Variants in APOO observed in about 807,000 individuals in gnomAD.
APOO encodes MICOS complex subunit MIC26.
A neutral mutation model predicts 23.1 loss-of-function variants in APOO; 11 were observed. That is an observed-to-expected ratio of 0.48 (90% CI 0.30 to 0.79). The LOEUF (loss-of-function observed/expected upper bound fraction) is 0.79, where lower values mean the gene tolerates loss of function less well. Ranked by LOEUF, APOO falls within the 30% of genes least tolerant of loss-of-function variation. APOO has a pLI of 0.07. For synonymous variants in APOO, 59 were observed against 54.8 expected (o/e 1.08, Z -0.34); for missense variants, 160 against 142.7 (o/e 1.12, Z -0.62).
intron 1 of APOO, among the ~76,000 whole-genome samples, chrX:23,901,035 T>C (rs1258853417): frequency 8.9e-6 from 1 of 112,363 alleles, no homozygotes; most frequent in Non-Finnish European, 1.9e-5. Flanking sequence ...ACAGATGATT[T>C]TCCTTTTCCA....
rs764414297 is a variant in APOO, at chrX:23,838,357, C to CAA, written c.*29+1954_*29+1955dup. On this transcript the variant is annotated intron_variant, in intron 8 of 8. Transcript: ENST00000379226. ...GGGCAACAAGAGTGAAACTCTATCTCAAAAAAAAAAAAAAAAAAAAGAAAG... is the reference window on the plus strand; with the variant it reads ...GGGCAACAAGAGTGAAACTCTATCTCAAAAAAAAAAAAAAAAAAAAAAGAAAG... Among the ~76,000 whole-genome samples, 59 of 20,064 alleles carry CAA rather than the reference C, an allele frequency of 2.9e-3. 4 individuals are homozygous for CAA. Among genetic ancestry groups the CAA allele is most frequent in the African/African-American group, 0.018 (48 of 2,667 alleles). The allele number at this position is 20,064 out of a possible 115,157, so 17.4% of individuals were successfully genotyped here.
At chrX:23,873,601 T>C (rs1346832017) in intron 4 of APOO, among the ~76,000 whole-genome samples, 1 of 107,562 alleles carries the variant, frequency 9.3e-6, no homozygotes, top group African/African-American at 3.4e-5. Flanking sequence ...AGTGATATTT[T>C]GTCTCAAAAA....
chrX:23,878,786 T>A, intron 3 of APOO, 129 bp downstream of exon 3: 23 of 805,024 alleles, frequency 2.9e-5, no homozygotes, highest in African/African-American at 4.2e-5. Flanking sequence ...CCCACTACCC[T>A]TCCCAGCCTC....
intron 1 of APOO, among the ~76,000 whole-genome samples, chrX:23,892,189 G>A (rs1276587376): frequency 1.8e-5 from 2 of 108,695 alleles, no homozygotes; most frequent in African/African-American, 3.3e-5. Flanking sequence ...GGGTTCAAAC[G>A]ATTCTCCTGC....
intron 7 of APOO, among the ~76,000 whole-genome samples, chrX:23,841,057 T>C (rs1923945661): frequency 8.9e-6 from 1 of 112,141 alleles, no homozygotes; most frequent in Non-Finnish European, 1.9e-5. Context: ...TGAAAACACA[T>C]TAATAGTCAG....
intron 1 of APOO, among the ~76,000 whole-genome samples, chrX:23,892,948 C>A (rs866590797): frequency 0.012 from 1,147 of 96,384 alleles, 23 homozygotes; most frequent in African/African-American, 0.04. Flanking sequence ...AAAAAAAAAA[C>A]AAACTATGAA....
chrX:23,839,871 T>C (rs1923887725), intron 8 of APOO, among the ~76,000 whole-genome samples: 1 of 111,839 alleles, frequency 8.9e-6, no homozygotes, highest in Non-Finnish European at 1.9e-5. Flanking sequence ...TACAGTCTTC[T>C]AATTACCAGG....
intron 7 of APOO, among the ~76,000 whole-genome samples, chrX:23,842,009 T>C (rs1454403087): frequency 9.0e-6 from 1 of 111,576 alleles, no homozygotes; most frequent in Non-Finnish European, 1.9e-5. Context: ...TCTTTCATGT[T>C]TGAGTCTTTC....
chrX:23,860,239 A>G (rs1350773672), intron 5 of APOO, among the ~76,000 whole-genome samples: 1 of 110,719 alleles, frequency 9.0e-6, no homozygotes, highest in Non-Finnish European at 1.9e-5. Context: ...GGGAGTGGAG[A>G]TGGCAACCAG....
chrX:23,843,754 T>C (rs1210244923), intron 7 of APOO, among the ~76,000 whole-genome samples: 2 of 109,557 alleles, frequency 1.8e-5, no homozygotes, highest in African/African-American at 3.3e-5. Flanking sequence ...CAGCTAATTA[T>C]TGTATTTTTA....
intron 8 of APOO, among the ~76,000 whole-genome samples, chrX:23,835,757 G>A (rs1923634864): frequency 9.1e-6 from 1 of 110,063 alleles, no homozygotes; most frequent in South Asian, 3.8e-4. Flanking sequence ...GTCTAATTAA[G>A]CCTTCGGATC....
At chrX:23,880,722 A>ATAAAT (rs887812152) in intron 2 of APOO, 123 bp downstream of exon 2, 15 of 237,796 alleles carry the variant, frequency 6.3e-5, no homozygotes, top group Non-Finnish European at 2.8e-5. Context: ...AAATAAATAA[A>ATAAAT]TAAATAAATA....
intron 7 of APOO, among the ~76,000 whole-genome samples, chrX:23,847,558 A>G (rs1016880485): frequency 1.8e-5 from 2 of 110,293 alleles, no homozygotes; most frequent in Non-Finnish European, 3.8e-5. Context: ...CCCGGGAGGC[A>G]GAGCTAGCAG....
chrX:23,856,321 C>T lies in APOO; in HGVS notation c.542G>A (p.Trp181Ter). ...CCTCACCTTTTGAAAGTTCTCCTTC[C>T]ACAAATCTTCTATGACTATATATCC... ...LRGYIVIEDL[W>*]KENFQKPGNV... Residue 181 changes from tryptophan (W) to a stop codon, truncating the protein, a stop_gained, in exon 7 of 9, where the codon TGG becomes TAG. Transcript: ENST00000379226. LOFTEE classifies it high-confidence loss of function. 8.3e-7 allele frequency: 1 copy of T among 1,209,823 alleles called. No individual in the cohort carries two copies. The highest frequency in any genetic ancestry group is 1.1e-6 in the Non-Finnish European group (1 of 894,571).
At chrX:23,873,899 G>T (rs955291155) in intron 4 of APOO, among the ~76,000 whole-genome samples, 2 of 111,588 alleles carry the variant, frequency 1.8e-5, no homozygotes, top group East Asian at 5.6e-4. Context: ...GTTTGTGAGT[G>T]TATGTGATAA....
intron 1 of APOO, among the ~76,000 whole-genome samples, chrX:23,890,534 G>A (rs1926609252): frequency 8.9e-6 from 1 of 112,219 alleles, no homozygotes; most frequent in African/African-American, 3.2e-5. Flanking sequence ...ACTTACAAAT[G>A]GTTCAACCTT....
At chrX:23,890,010 T>C (rs777626663) in intron 1 of APOO, among the ~76,000 whole-genome samples, 3 of 111,125 alleles carry the variant, frequency 2.7e-5, no homozygotes, top group Non-Finnish European at 3.8e-5. Flanking sequence ...TCCCCCAGAG[T>C]GTCTGACTCT....
chrX:23,834,730 T>A (rs955487157), intron 8 of APOO, among the ~76,000 whole-genome samples: 3 of 76,869 alleles, frequency 3.9e-5, no homozygotes, highest in Non-Finnish European at 5.3e-5. Context: ...TTTTTCATAT[T>A]TTTTTTTTTT....
intron 4 of APOO, among the ~76,000 whole-genome samples, chrX:23,872,616 A>G (rs1925672297): frequency 9.3e-6 from 1 of 107,514 alleles, no homozygotes; most frequent in South Asian, 4.0e-4. Context: ...CAGGCATACA[A>G]TGCATAATAA....
Sources: allele counts gnomAD v4.1 joint callset (sites outside exome capture counted in the v4.1 genomes callset), GRCh38; gene constraint gnomAD v4.1.1; transcripts MANE v1.5; gene names NCBI Gene and HGNC (gene_info 2026-07-23, HGNC 2026-07-21).